Variants in CRTAC1 observed in about 807,000 individuals in gnomAD.
The protein encoded by CRTAC1 is acidic secreted protein in cartilage.
A neutral mutation model predicts 67.8 loss-of-function variants in CRTAC1; 37 were observed. The observed-to-expected ratio is 0.55, with a 90% CI of 0.42 to 0.72. CRTAC1 has a LOEUF of 0.72. Ranked by LOEUF, CRTAC1 falls within the 30% of genes least tolerant of loss-of-function variation. The pLI is 0.00. For missense variants in CRTAC1, 780 were observed against 931.6 expected (o/e 0.84, Z 2.12); for synonymous variants, 348 against 371.0 (o/e 0.94, Z 0.71).
rs558845626 is a variant in CRTAC1, at chr10:97,944,355, C to G, written c.225-7989G>C. Among the ~76,000 whole-genome samples, 26 of 151,858 alleles carry G rather than the reference C, an allele frequency of 1.7e-4. 1 individual carries two copies. In the South Asian group the frequency reaches 5.2e-3, roughly 30 times the overall value. On this transcript the variant is annotated intron_variant, in intron 2 of 14. Transcript: ENST00000370597. ...GCTGAGGCAGAAGAATCGCATGAAC[C>G]GGGGAGGCAGATGTTGCAGTAAGCC... is the stretch of plus-strand genomic sequence containing the variant.
chr10:97,921,870 G>A (rs949650841), intron 4 of CRTAC1, among the ~76,000 whole-genome samples: 3 of 151,330 alleles, frequency 2.0e-5, no homozygotes, highest in Non-Finnish European at 2.9e-5. Flanking sequence ...GCTTCTGGAC[G>A]CCTGCCTCCT....
chr10:97,906,878 G>A (rs2050619544), intron 6 of CRTAC1, among the ~76,000 whole-genome samples: 1 of 152,230 alleles, frequency 6.6e-6, no homozygotes, highest in Non-Finnish European at 1.5e-5. Context: ...TGGCACACGT[G>A]CAGGGATTCG....
rs550781127 is a variant in CRTAC1 at position 97,902,145 on chromosome 10, T to C, written c.997-506A>G. Among the ~76,000 whole-genome samples the C allele has an allele frequency of 4.6e-5, 7 of 152,332 alleles. No homozygotes were observed. In the East Asian group the frequency reaches 1.3e-3, roughly 29 times the overall value. ...TGCATCTAAATCCAGGCTCCACCAC[T>C]GACTAGCTGTGTGATCTTAGGCAAG... is the stretch of plus-strand genomic sequence containing the variant. On this transcript the variant is annotated intron_variant, in intron 7 of 14. Coordinates refer to ENST00000370597, the MANE Select transcript of CRTAC1 (RefSeq NM_018058.7).
chr10:97,914,620 C>T (rs954711630), intron 5 of CRTAC1, among the ~76,000 whole-genome samples: 1 of 152,194 alleles, frequency 6.6e-6, no homozygotes, highest in African/African-American at 2.4e-5. Context: ...AGCTGAGGGG[C>T]ATGCCCAAGG....
At chr10:98,015,409 G>C (rs980737308) in intron 1 of CRTAC1, among the ~76,000 whole-genome samples, 1 of 152,142 alleles carries the variant, frequency 6.6e-6, no homozygotes. Context: ...AGATGAAGAA[G>C]TTCTGAAGGT....
At position 97,904,910 on chromosome 10, in the gene CRTAC1, G is replaced by T. The variant is rs185259912; in HGVS notation, c.851-96C>A. On this transcript the variant is annotated intron_variant, in intron 6 of 14. Coordinates refer to ENST00000370597, the MANE Select transcript of CRTAC1 (RefSeq NM_018058.7). Reference sequence around the variant, plus strand: ...GCTCTGTGACAAGCAACTAGGGAGGGTGACTCTCATCTTGTTCCCGGGAGG... The same window carrying T: ...GCTCTGTGACAAGCAACTAGGGAGGTTGACTCTCATCTTGTTCCCGGGAGG... 3.7e-4 allele frequency: 509 copies of T among 1,378,068 alleles called. 2 individuals are homozygous for T. The African/African-American group carries it at 6.8e-3, about 18-fold the overall frequency. 85.4% of individuals were successfully genotyped at this position (1,378,068 alleles called of 1,614,324 possible). A position where few individuals can be genotyped will look rare whatever the true frequency, so the allele number is the denominator to read the frequency against.
At position 97,908,166 on chromosome 10, in the gene CRTAC1, C is replaced by A. The variant is rs1239799877; in HGVS notation, c.716-19G>T. ...CGGCCCCCTAGAAAAGACATCGACCCACAGTGAGTGGCAGAAGCAAGCCCC... is the reference window on the plus strand; with the variant it reads ...CGGCCCCCTAGAAAAGACATCGACCAACAGTGAGTGGCAGAAGCAAGCCCC... On this transcript the variant is annotated intron_variant, in intron 5 of 14. Transcript: ENST00000370597. 3 of 1,613,234 alleles carry A rather than the reference C, an allele frequency of 1.9e-6. No homozygotes were observed. In the Admixed American group the frequency reaches 5.0e-5, roughly 27 times the overall value.
At chr10:97,866,492 C>G (rs1391591869) in intron 14 of CRTAC1, 2 of 152,196 alleles carry the variant, frequency 1.3e-5, no homozygotes, top group Non-Finnish European at 2.9e-5. Flanking sequence ...AGCCAGTTTC[C>G]TGAGATTAGA....
At chr10:97,955,396 G>T (rs1290693402) in intron 2 of CRTAC1, among the ~76,000 whole-genome samples, 2 of 152,200 alleles carry the variant, frequency 1.3e-5, no homozygotes, top group Non-Finnish European at 2.9e-5. Context: ...GTTACACTGA[G>T]AAAATAAAGT....
intron 2 of CRTAC1, among the ~76,000 whole-genome samples, chr10:97,973,973 CA>C (rs552987541): frequency 0.11 from 7,347 of 68,868 alleles, 484 homozygotes; most frequent in African/African-American, 0.25. Context: ...GATCCCATAC[CA>C]AAAAAAAAAA....
chr10:97,905,810 T>C (rs1343215848), intron 6 of CRTAC1, among the ~76,000 whole-genome samples: 2 of 152,176 alleles, frequency 1.3e-5, no homozygotes, highest in African/African-American at 4.8e-5. Flanking sequence ...TGGTGAGACC[T>C]GGAAAGCGAA....
At chr10:97,991,101 A>G (rs992774694) in intron 2 of CRTAC1, among the ~76,000 whole-genome samples, 3 of 131,942 alleles carry the variant, frequency 2.3e-5, no homozygotes, top group Admixed American at 7.3e-5. Context: ...CATCTCTACA[A>G]AAAAAAAAAA....
chr10:97,931,238 G>A (rs1057242139), intron 3 of CRTAC1, among the ~76,000 whole-genome samples: 4 of 152,152 alleles, frequency 2.6e-5, no homozygotes, highest in Non-Finnish European at 4.4e-5. Flanking sequence ...ATATTTGGTC[G>A]ACACGAACTT....
intron 1 of CRTAC1, among the ~76,000 whole-genome samples, chr10:98,014,962 T>C (rs921891624): frequency 1.3e-4 from 20 of 152,268 alleles, no homozygotes; most frequent in Admixed American, 3.3e-4. Flanking sequence ...CACAAAAGAA[T>C]TGAGAAAAGA....
chr10:98,002,779 T>TTTC, intron 2 of CRTAC1, among the ~76,000 whole-genome samples: 1 of 118,972 alleles, frequency 8.4e-6, no homozygotes, highest in Non-Finnish European at 1.8e-5. Context: ...TTTTTTTTTT[T>TTTC]TTTTTTTTTT....
In CRTAC1 at chr10:97,882,827, C is replaced by T. The variant is rs1319243346; in HGVS notation, c.1634G>A (p.Cys545Tyr). Residue 545 changes from cysteine to tyrosine, a missense_variant and splice_region_variant, in exon 13 of 15, where the codon TGT becomes TAT. Physicochemically the swap from Cys to Tyr is radical, Grantham distance 194. Transcript: ENST00000370597. The stretch of plus-strand genomic sequence containing the variant: ...TTCCTGCTGGGAGAATCCTTGGCCA[C>T]ACTGTAAGGTGGGCAGAAGCAGAGA... ...DTLQDPAPLE[C>Y]GQGFSQQENG... 1 of 1,614,222 alleles carries T rather than the reference C, an allele frequency of 6.2e-7. No homozygotes were observed. The highest frequency in any genetic ancestry group is 8.5e-7 in the Non-Finnish European group (1 of 1,180,032).
rs141565767 is a variant in CRTAC1, at chr10:98,025,876, C to A, written c.24+4573G>T. 1.7e-4 allele frequency among the ~76,000 whole-genome samples: 26 copies of A among 152,296 alleles called. No homozygotes were observed. The East Asian group carries it at 5.0e-3, about 29-fold the overall frequency. On this transcript the variant is annotated intron_variant, in intron 1 of 14. Transcript: ENST00000370597. Reference sequence around the variant, plus strand: ...CATCACATTCAGAATTATCCTGGGACCCATAAAATTTCTTTTCCCCAAGCA... The same window carrying A: ...CATCACATTCAGAATTATCCTGGGAACCATAAAATTTCTTTTCCCCAAGCA...
intron 2 of CRTAC1, among the ~76,000 whole-genome samples, chr10:97,946,752 C>T (rs1185150103): frequency 6.6e-6 from 1 of 152,204 alleles, no homozygotes; most frequent in African/African-American, 2.4e-5. Context: ...TCCCTGGGAC[C>T]ACCAAGTCAC....
chr10:97,908,144 C>A lies in CRTAC1; in HGVS notation c.719G>T (p.Gly240Val), dbSNP rs1554917296. 1 of 1,614,008 alleles carries A rather than the reference C, an allele frequency of 6.2e-7. No homozygotes were observed. Among genetic ancestry groups the A allele is most frequent in the Non-Finnish European group, 8.5e-7 (1 of 1,179,962 alleles). The change falls in exon 6 of 15, where the codon GGC (glycine) becomes GTC (valine). Residue 240 changes from glycine to valine, a missense_variant. Coordinates refer to ENST00000370597, the MANE Select transcript of CRTAC1 (RefSeq NM_018058.7). Reference sequence around the variant, plus strand: ...GATGGGGCCCACGCTGACGCCTCGGCCCCCTAGAAAAGACATCGACCCACA... The same window carrying A: ...GATGGGGCCCACGCTGACGCCTCGGACCCCTAGAAAAGACATCGACCCACA... ...AEAGVSKYTG[G>V]RGVSVGPILS... is the part of the protein sequence containing the mutation.
Sources: allele counts gnomAD v4.1 joint callset (sites outside exome capture counted in the v4.1 genomes callset), GRCh38; gene constraint gnomAD v4.1.1; transcripts MANE v1.5; gene names NCBI Gene and HGNC (gene_info 2026-07-23, HGNC 2026-07-21).